CEP43: variants seen among roughly 807,000 people sequenced by gnomAD.
The protein encoded by CEP43 is FGFR1 oncogene partner.
A neutral mutation model predicts 52.6 loss-of-function variants in CEP43; 36 were observed. The observed-to-expected ratio is 0.68, with a 90% CI of 0.52 to 0.90. CEP43 has a LOEUF of 0.90. CEP43 is among the 40% of genes least tolerant of loss of function. The pLI is 0.00. For synonymous variants in CEP43, 192 were observed against 172.4 expected (o/e 1.11, Z -0.89); for missense variants, 506 against 472.8 (o/e 1.07, Z -0.65).
chr6:167,022,757 C>T, intron 8 of CEP43, 122 bp downstream of exon 8: 1 of 705,012 alleles, frequency 1.4e-6, no homozygotes, highest in Non-Finnish European at 2.3e-6. Context: ...ATAAATCTGA[C>T]TATGCGTTGT....
chr6:167,042,287 G>C lies in CEP43; in HGVS notation c.*2309G>C, dbSNP rs1780716533. ...TGTTTTCTGTTAAAAAATAAATATT[G>C]AAATATTAACCCATTAAATACATTT... On this transcript the variant is annotated 3_prime_UTR_variant, in exon 13 of 13. Coordinates refer to ENST00000366847, the MANE Select transcript of CEP43 (RefSeq NM_007045.4). The C allele has an allele frequency of 1.0e-6, 1 of 1,002,606 alleles. No individual in the cohort carries two copies. Among genetic ancestry groups the C allele is most frequent in the South Asian group, 4.7e-5 (1 of 21,374 alleles). The allele number at this position is 1,002,606 out of a possible 1,614,324, so 62.1% of individuals were successfully genotyped here. A position where few individuals can be genotyped will look rare whatever the true frequency, so the allele number is the denominator to read the frequency against.
intron 5 of CEP43, among the ~76,000 whole-genome samples, chr6:167,006,198 T>C (rs545372926): frequency 5.3e-5 from 8 of 152,202 alleles, no homozygotes; most frequent in Non-Finnish European, 1.0e-4. Context: ...TAGGCATCAG[T>C]GGATTCAATT....
At chr6:167,035,812 C>T (rs562596322) in intron 12 of CEP43, among the ~76,000 whole-genome samples, 3 of 152,324 alleles carry the variant, frequency 2.0e-5, no homozygotes, top group Admixed American at 2.0e-4. Context: ...CGTGCTCTGC[C>T]TGCCTCGGCC....
rs1014078397 is a variant in CEP43, at chr6:167,052,087, C to G, written c.*12109C>G. The G allele has an allele frequency of 1.3e-5, 2 of 151,910 alleles. No homozygotes were observed. The highest frequency in any genetic ancestry group is 2.4e-5 in the African/African-American group (1 of 41,374). The allele number at this position is 151,910 out of a possible 1,614,324, so 9.4% of individuals were successfully genotyped here. A position where few individuals can be genotyped will look rare whatever the true frequency, so the allele number is the denominator to read the frequency against. On this transcript the variant is annotated 3_prime_UTR_variant, in exon 13 of 13. Transcript: ENST00000366847. ...TAAATTATTTTTAACTATATTTTTA[C>G]GTATTTCCTTAATGAATGCTTGATG...
rs1434448540 is a variant in CEP43, at chr6:167,050,209, G to A, written c.*10231G>A. On this transcript the variant is annotated 3_prime_UTR_variant, in exon 13 of 13. Coordinates refer to ENST00000366847, the MANE Select transcript of CEP43 (RefSeq NM_007045.4). ...TTTATAAGCATCTGGCATTTCCCCT[G>A]CTTGCACTCAGGCTGTCCTGCCACA... 6.5e-6 allele frequency: 1 copy of A among 152,704 alleles called. No homozygotes were observed. The highest frequency in any genetic ancestry group is 1.5e-5 in the Non-Finnish European group (1 of 68,526). 9.5% of individuals were successfully genotyped at this position (152,704 alleles called of 1,614,324 possible).
intron 8 of CEP43, among the ~76,000 whole-genome samples, chr6:167,023,973 G>T (rs971174466): frequency 1.3e-5 from 2 of 152,146 alleles, no homozygotes; most frequent in East Asian, 3.9e-4. Flanking sequence ...CAGGATTTAG[G>T]GCTGAAAAAC....
chr6:167,033,544 A>AT (rs902218799), intron 11 of CEP43, among the ~76,000 whole-genome samples: 34 of 151,676 alleles, frequency 2.2e-4, no homozygotes, highest in African/African-American at 6.0e-4. Flanking sequence ...GGAAGTCTGT[A>AT]TTTTTTTTTA....
intron 10 of CEP43, among the ~76,000 whole-genome samples, chr6:167,031,200 T>A (rs936104002): frequency 2.0e-5 from 3 of 152,164 alleles, no homozygotes. Flanking sequence ...GGATTACAGA[T>A]GTGCGTCACT....
rs1336933817 is a variant in CEP43 at position 167,050,997 on chromosome 6, T to G, written c.*11019T>G. On this transcript the variant is annotated 3_prime_UTR_variant, in exon 13 of 13. Transcript: ENST00000366847. ...TCCACAAAAATTTGGAGGCTAGGTC[T>G]TTTCAAAGATAGTTTGGTGGGCAGG... is the stretch of plus-strand genomic sequence containing the variant. 1.3e-5 allele frequency: 2 copies of G among 152,032 alleles called. No individual in the cohort carries two copies. The highest frequency in any genetic ancestry group is 2.9e-5 in the Non-Finnish European group (2 of 68,018). 9.4% of individuals were successfully genotyped at this position (152,032 alleles called of 1,614,324 possible). A position where few individuals can be genotyped will look rare whatever the true frequency, so the allele number is the denominator to read the frequency against.
At position 167,043,127 on chromosome 6, in the gene CEP43, C is replaced by G. The variant is rs1454713102; in HGVS notation, c.*3149C>G. ...CTGTGAATTTGCCCCACCCACCAAGCTCAGCTGGAGCAGGGCCTCTGAAGG... is the reference window on the plus strand; with the variant it reads ...CTGTGAATTTGCCCCACCCACCAAGGTCAGCTGGAGCAGGGCCTCTGAAGG... On this transcript the variant is annotated 3_prime_UTR_variant, in exon 13 of 13. Coordinates refer to ENST00000366847, the MANE Select transcript of CEP43 (RefSeq NM_007045.4). 2 of 152,934 alleles carry G rather than the reference C, an allele frequency of 1.3e-5. No individual in the cohort carries two copies. Among genetic ancestry groups the G allele is most frequent in the African/African-American group, 4.8e-5 (2 of 41,446 alleles). The allele number at this position is 152,934 out of a possible 1,614,324, so 9.5% of individuals were successfully genotyped here. A position where few individuals can be genotyped will look rare whatever the true frequency, so the allele number is the denominator to read the frequency against.
At position 166,999,408 on chromosome 6, in the gene CEP43, G is replaced by A; in HGVS notation, c.-5G>A. The A allele has an allele frequency of 6.8e-7, 1 of 1,470,554 alleles. No individual in the cohort carries two copies. Among genetic ancestry groups the A allele is most frequent in the Non-Finnish European group, 9.0e-7 (1 of 1,107,756 alleles). The allele number at this position is 1,470,554 out of a possible 1,614,324, so 91.1% of individuals were successfully genotyped here. ...CGGCTTCGGCGGTTGTCTTGGAGAA[G>A]CAAGATGGCGGCGACGGCGGCCGCA... On this transcript the variant is annotated 5_prime_UTR_variant, in exon 1 of 13. Coordinates refer to ENST00000366847, the MANE Select transcript of CEP43 (RefSeq NM_007045.4).
chr6:167,021,597 A>G (rs1780232380), intron 7 of CEP43, among the ~76,000 whole-genome samples: 1 of 152,198 alleles, frequency 6.6e-6, no homozygotes, highest in South Asian at 2.1e-4. Flanking sequence ...TCGGCTGTGA[A>G]GGTTAGGACT....
At chr6:167,008,650 T>C (rs1410879619) in intron 5 of CEP43, among the ~76,000 whole-genome samples, 1 of 151,942 alleles carries the variant, frequency 6.6e-6, no homozygotes, top group African/African-American at 2.4e-5. Context: ...TTTATTTTTT[T>C]ATTTTTAGTA....
chr6:167,009,549 G>A (rs543276193), intron 5 of CEP43, among the ~76,000 whole-genome samples: 124 of 148,412 alleles, frequency 8.4e-4, no homozygotes, highest in African/African-American at 3.0e-3. Context: ...TTAGCTGGGC[G>A]TGGTACTCGG....
intron 9 of CEP43, chr6:167,025,187 T>G (rs1035856296): frequency 4.0e-5 from 8 of 199,752 alleles, no homozygotes; most frequent in Non-Finnish European, 6.0e-5. Context: ...AATTTTTAAA[T>G]CATCTCTCCT....
At chr6:167,014,652 G>A (rs1044806073) in intron 7 of CEP43, among the ~76,000 whole-genome samples, 2 of 152,168 alleles carry the variant, frequency 1.3e-5, no homozygotes, top group Non-Finnish European at 2.9e-5. Flanking sequence ...AGTTCTAGGA[G>A]TTTCAAAGGT....
At chr6:167,037,013 C>T (rs1365067112) in intron 12 of CEP43, among the ~76,000 whole-genome samples, 1 of 152,136 alleles carries the variant, frequency 6.6e-6, no homozygotes, top group Admixed American at 6.5e-5. Context: ...CCTATGTTAG[C>T]CAGGCTGGTC....
intron 2 of CEP43, among the ~76,000 whole-genome samples, chr6:167,002,537 A>G (rs1779761829): frequency 6.6e-6 from 1 of 152,180 alleles, no homozygotes; most frequent in Non-Finnish European, 1.5e-5. Context: ...ACTTTTAAGA[A>G]ACACTACCAA....
rs879312929 is a variant in CEP43 at position 167,051,769 on chromosome 6, A to G, written c.*11791A>G. On this transcript the variant is annotated 3_prime_UTR_variant, in exon 13 of 13. Coordinates refer to ENST00000366847, the MANE Select transcript of CEP43 (RefSeq NM_007045.4). ...AAAGTCTATTTTGTTTGATATTAGCATAGCTATTCTTGCTCTTACTGTGGC... is the reference window on the plus strand; with the variant it reads ...AAAGTCTATTTTGTTTGATATTAGCGTAGCTATTCTTGCTCTTACTGTGGC... 2.0e-5 allele frequency: 3 copies of G among 152,198 alleles called. No individual in the cohort carries two copies. The highest frequency in any genetic ancestry group is 1.9e-4 in the East Asian group (1 of 5,206). The allele number at this position is 152,198 out of a possible 1,614,324, so 9.4% of individuals were successfully genotyped here. A position where few individuals can be genotyped will look rare whatever the true frequency, so the allele number is the denominator to read the frequency against.
Sources: allele counts gnomAD v4.1 joint callset (sites outside exome capture counted in the v4.1 genomes callset), GRCh38; gene constraint gnomAD v4.1.1; transcripts MANE v1.5; gene names NCBI Gene and HGNC (gene_info 2026-07-23, HGNC 2026-07-21).